The following VPS54 variants were observed in gnomAD, a reference collection of about 807,000 sequenced individuals.
The protein encoded by VPS54 is VPS54 subunit of GARP complex.
In VPS54, 45 loss-of-function variants were observed where a neutral mutation model predicts 121.5. The observed-to-expected ratio is 0.37, with a 90% CI of 0.29 to 0.47. The LOEUF is 0.47. Ranked by LOEUF, VPS54 falls within the 20% of genes least tolerant of loss-of-function variation. VPS54 has a pLI of 0.99. For synonymous variants in VPS54, 371 were observed against 385.8 expected, an observed-to-expected ratio of 0.96 and a Z score of 0.45; for missense variants, 1,090 against 1,131.4, an observed-to-expected ratio of 0.96 and a Z score of 0.52.
intron 3 of VPS54, among the ~76,000 whole-genome samples, chr2:63,979,951 CTA>C (rs1676733203): frequency 6.6e-6 from 1 of 152,064 alleles, no homozygotes. Flanking sequence ...GTATATTCTT[CTA>C]TGTTATATGG....
intron 15 of VPS54, among the ~76,000 whole-genome samples, chr2:63,918,210 C>T (rs955375151): frequency 6.6e-6 from 1 of 151,976 alleles, no homozygotes; most frequent in Admixed American, 6.6e-5. Flanking sequence ...AAACCTCCTA[C>T]CATCAATATC....
At chr2:64,015,806 A>C (rs985971899) in intron 1 of VPS54, among the ~76,000 whole-genome samples, 1 of 152,192 alleles carries the variant, frequency 6.6e-6, no homozygotes, top group African/African-American at 2.4e-5. Flanking sequence ...TCTAAATAAT[A>C]CATTTGCTAC....
intron 20 of VPS54, among the ~76,000 whole-genome samples, chr2:63,911,980 GA>G (rs927816606): frequency 6.6e-6 from 1 of 152,130 alleles, no homozygotes; most frequent in Non-Finnish European, 1.5e-5. Flanking sequence ...AACAAGAAAT[GA>G]ATGTTGAAAT....
At chr2:63,942,270 A>G (rs973525818) in intron 11 of VPS54, among the ~76,000 whole-genome samples, 195 bp downstream of exon 11, 16 of 152,102 alleles carry the variant, frequency 1.1e-4, no homozygotes, top group Admixed American at 3.3e-4. Context: ...TTATAAAATT[A>G]TAACTTATTA....
At chr2:63,923,996 A>G (rs1673773490) in intron 12 of VPS54, among the ~76,000 whole-genome samples, 1 of 152,244 alleles carries the variant, frequency 6.6e-6, no homozygotes, top group Non-Finnish European at 1.5e-5. Context: ...GGTAGTTCCC[A>G]GACATTTATG....
chr2:64,015,319 C>T (rs191301156), intron 1 of VPS54, among the ~76,000 whole-genome samples: 5 of 152,160 alleles, frequency 3.3e-5, no homozygotes, highest in African/African-American at 1.2e-4. Context: ...TGCGTCATGT[C>T]GTAAACAGAT....
At chr2:63,997,540 TA>T (rs1677656363) in intron 1 of VPS54, among the ~76,000 whole-genome samples, 1 of 152,192 alleles carries the variant, frequency 6.6e-6, no homozygotes, top group Non-Finnish European at 1.5e-5. Context: ...GTATCGGTTT[TA>T]GCATCTCCTT....
intron 20 of VPS54, among the ~76,000 whole-genome samples, chr2:63,900,220 C>CAAA (rs70965149): frequency 0.011 from 665 of 63,036 alleles, 25 homozygotes; most frequent in Non-Finnish European, 0.013. Flanking sequence ...AACTCTGTCT[C>CAAA]AAAAAAAAAA....
At chr2:63,919,209 C>T (rs1229037100) in intron 15 of VPS54, among the ~76,000 whole-genome samples, 1 of 151,970 alleles carries the variant, frequency 6.6e-6, no homozygotes, top group Non-Finnish European at 1.5e-5. Flanking sequence ...CATGAAAACT[C>T]TCTCATCATT....
intron 2 of VPS54, among the ~76,000 whole-genome samples, chr2:63,982,627 T>C (rs1018729604): frequency 6.6e-6 from 1 of 152,206 alleles, no homozygotes; most frequent in Non-Finnish European, 1.5e-5. Flanking sequence ...TACTATAATT[T>C]ATGCCTGAAT....
intron 7 of VPS54, among the ~76,000 whole-genome samples, chr2:63,950,269 A>C (rs1559015748): frequency 6.6e-6 from 1 of 152,200 alleles, no homozygotes; most frequent in Non-Finnish European, 1.5e-5. Flanking sequence ...TAATCCTTCC[A>C]GACTTTCGTG....
Position 63,962,078 on chromosome 2 carries a change from A to G in VPS54, c.990T>C (p.Leu330=). The G allele has an allele frequency of 5.7e-6, 9 of 1,577,366 alleles. No homozygotes were observed. The highest frequency in any genetic ancestry group is 1.7e-5 in the Admixed American group (1 of 57,390). Reference sequence around the variant, plus strand: ...CATACCGGAAACTGTGAATGCCCTGAAGTTCCTGCTGTAGAACCTCTTGTG... The same window carrying G: ...CATACCGGAAACTGTGAATGCCCTGGAGTTCCTGCTGTAGAACCTCTTGTG... ...ATTQEVLQQE[L]QGIHSFRHLG... is the part of the protein sequence containing the mutation. Residue 330 remains leucine, a synonymous_variant, in exon 7 of 23, where the codon CTT becomes CTC. Coordinates refer to ENST00000272322, the MANE Select transcript of VPS54 (RefSeq NM_016516.3).
intron 1 of VPS54, among the ~76,000 whole-genome samples, chr2:63,987,475 C>CT (rs70965159): frequency 0.31 from 46,794 of 151,614 alleles, 8,455 homozygotes; most frequent in Non-Finnish European, 0.4. Flanking sequence ...TTCCAATTTT[C>CT]TTTTTTTTGC....
intron 4 of VPS54, among the ~76,000 whole-genome samples, chr2:63,970,033 A>C (rs1575971562): frequency 6.6e-6 from 1 of 151,232 alleles, no homozygotes; most frequent in African/African-American, 2.4e-5. Flanking sequence ...ATAAGGTACT[A>C]CTCTCCTCTT....
rs1675030171 is a variant in VPS54, at chr2:63,947,394, T to C, written c.1234A>G (p.Ile412Val). 2.6e-6 allele frequency: 4 copies of C among 1,553,344 alleles called. No homozygotes were observed. The highest frequency in any genetic ancestry group is 2.7e-5 in the African/African-American group (2 of 73,050). ...AAATGCATAATTACCTGTTTAATGA[T>C]ATTCTTTGCTGTAATAACCATTTTT... ...GEKMVITAKNIIKQCVINKVS... is the reference protein window; with the variant it reads ...GEKMVITAKNVIKQCVINKVS... The change falls in exon 9 of 23, where the codon ATC becomes GTC. Residue 412 changes from isoleucine to valine, a missense_variant. This residue lies in a region of VPS54 where 801 missense variants were observed against 757.0 expected (regional missense o/e 1.06). Coordinates refer to ENST00000272322, the MANE Select transcript of VPS54 (RefSeq NM_016516.3).
chr2:64,008,172 G>C (rs1037785263), intron 1 of VPS54, among the ~76,000 whole-genome samples: 2 of 152,104 alleles, frequency 1.3e-5, no homozygotes, highest in Non-Finnish European at 2.9e-5. Flanking sequence ...CAGCACTTTG[G>C]GAGGACGAGG....
Position 63,893,390 on chromosome 2 carries a change from T to A in VPS54, c.*40A>T. ...CCAGATTTTCTTCATAACAAACACA[T>A]CCCATGGTCAGATGAACTACCCAGT... On this transcript the variant is annotated 3_prime_UTR_variant, in exon 23 of 23. Transcript: ENST00000272322. 1 of 1,529,402 alleles carries A rather than the reference T, an allele frequency of 6.5e-7. No homozygotes were observed. The highest frequency in any genetic ancestry group is 9.1e-7 in the Non-Finnish European group (1 of 1,103,130). The allele number at this position is 1,529,402 out of a possible 1,614,324, so 94.7% of individuals were successfully genotyped here.
At chr2:63,996,536 A>G (rs1414142186) in intron 1 of VPS54, among the ~76,000 whole-genome samples, 1 of 152,222 alleles carries the variant, frequency 6.6e-6, no homozygotes, top group Non-Finnish European at 1.5e-5. Flanking sequence ...CAAGGGAGAT[A>G]ACCATTAGGT....
chr2:63,894,483 C>A (rs1320222078), intron 22 of VPS54, among the ~76,000 whole-genome samples: 1 of 152,114 alleles, frequency 6.6e-6, no homozygotes, highest in African/African-American at 2.4e-5. Flanking sequence ...AGGAGGATCA[C>A]CTGAGCTCAG....
Sources: gnomAD v4.1 joint callset for allele counts (sites outside exome capture counted in the v4.1 genomes callset) on GRCh38, gnomAD v4.1.1 for gene constraint, gnomAD v4.1.1 regional missense constraint, MANE v1.5 for transcripts, NCBI Gene and HGNC (gene_info 2026-07-23, HGNC 2026-07-21) for gene names.